GRIK1: variants seen among roughly 807,000 people sequenced by gnomAD.
GRIK1 encodes glutamate ionotropic receptor kainate type subunit 1.
GRIK1 carries 69 observed loss-of-function variants against 105.7 expected under a neutral mutation model. The observed-to-expected ratio is 0.65, with a 90% confidence interval of 0.54 to 0.80. The LOEUF (loss-of-function observed/expected upper bound fraction) is 0.80, where lower values mean the gene tolerates loss of function less well. GRIK1 is among the 30% of genes least tolerant of loss of function. The pLI is 0.00. For missense variants in GRIK1, 1,109 were observed against 1,167.3 expected, an observed-to-expected ratio of 0.95 and a Z score of 0.73; for synonymous variants, 438 against 431.3, an observed-to-expected ratio of 1.02 and a Z score of -0.19.
intron 1 of GRIK1, among the ~76,000 whole-genome samples, chr21:29,728,563 A>G (rs1416380922): frequency 6.6e-6 from 1 of 152,188 alleles, no homozygotes; most frequent in East Asian, 1.9e-4. Context: ...GCTATAAATC[A>G]TTACATCACA....
intron 3 of GRIK1, among the ~76,000 whole-genome samples, chr21:29,686,015 C>T (rs367750476): frequency 6.6e-6 from 1 of 152,202 alleles, no homozygotes; most frequent in African/African-American, 2.4e-5. Context: ...AAGAAGAATC[C>T]GAACACACAG....
chr21:29,546,517 TG>T (rs2090053540), intron 16 of GRIK1, among the ~76,000 whole-genome samples: 1 of 152,224 alleles, frequency 6.6e-6, no homozygotes. Context: ...GGCTCAGAGA[TG>T]GTAAGTGGTT....
chr21:29,767,678 G>T (rs1343939540), intron 1 of GRIK1, among the ~76,000 whole-genome samples: 2 of 152,182 alleles, frequency 1.3e-5, no homozygotes, highest in African/African-American at 2.4e-5. Context: ...GGTCTCAAAA[G>T]GCTCTTGTGC....
chr21:29,591,406 A>G (rs1370949485), intron 9 of GRIK1, among the ~76,000 whole-genome samples, 181 bp from the exon 10 acceptor site: 1 of 152,108 alleles, frequency 6.6e-6, no homozygotes, highest in East Asian at 1.9e-4. Context: ...TGTAGACAAA[A>G]TAGGATATAT....
intron 1 of GRIK1, among the ~76,000 whole-genome samples, chr21:29,854,279 T>C (rs921257023): frequency 2.6e-5 from 4 of 152,098 alleles, no homozygotes; most frequent in Non-Finnish European, 5.9e-5. Flanking sequence ...AAGAATGTAC[T>C]CTTTGCTTTG....
chr21:29,890,069 T>C (rs1235923870), intron 1 of GRIK1, among the ~76,000 whole-genome samples: 2 of 152,138 alleles, frequency 1.3e-5, no homozygotes, highest in East Asian at 3.8e-4. Context: ...AGTCATGTGA[T>C]ACTGTTTGTC....
intron 7 of GRIK1, among the ~76,000 whole-genome samples, chr21:29,616,020 A>G (rs969832046): frequency 2.0e-5 from 3 of 152,184 alleles, no homozygotes; most frequent in African/African-American, 4.8e-5. Context: ...ATTTGCCCCA[A>G]TTCCCAACAA....
chr21:29,715,693 G>A (rs539998315), intron 1 of GRIK1, among the ~76,000 whole-genome samples: 9 of 148,488 alleles, frequency 6.1e-5, no homozygotes, highest in Admixed American at 4.1e-4. Flanking sequence ...CTAGAATGTC[G>A]TATTCTACTT....
At chr21:29,834,256 G>A (rs2067718498) in intron 1 of GRIK1, among the ~76,000 whole-genome samples, 1 of 150,304 alleles carries the variant, frequency 6.7e-6, no homozygotes, top group African/African-American at 2.4e-5. Context: ...TCCCAAAATA[G>A]GAACTTGGAA....
Position 29,642,748 on chromosome 21 carries a change from T to C in GRIK1, c.1098+78A>G, listed in dbSNP as rs968746257. ...TAGGGGCATCATGCCAGCAGAACCC[T>C]GTGGGGAGGACCATACCAAATGGGC... is the stretch of plus-strand genomic sequence containing the variant. On this transcript the variant is annotated intron_variant, in intron 7 of 17. Transcript: ENST00000327783. The C allele has an allele frequency of 1.6e-5, 20 of 1,275,224 alleles. No homozygotes were observed. The African/African-American group carries it at 2.3e-4, about 15-fold the overall frequency. 79.0% of individuals were successfully genotyped at this position (1,275,224 alleles called of 1,614,324 possible). A position where few individuals can be genotyped will look rare whatever the true frequency, so the allele number is the denominator to read the frequency against.
chr21:29,582,351 G>A (rs781094753), intron 12 of GRIK1: 16 of 470,320 alleles, frequency 3.4e-5, no homozygotes, highest in Non-Finnish European at 6.6e-5. Flanking sequence ...ACCCTGGTTC[G>A]GTAAGTGGTA....
At chr21:29,560,632 C>G (rs933101798) in intron 15 of GRIK1, among the ~76,000 whole-genome samples, 1 of 145,012 alleles carries the variant, frequency 6.9e-6, no homozygotes, top group East Asian at 2.0e-4. Flanking sequence ...GATGGAGTCT[C>G]GCTCTGTTGC....
At chr21:29,727,971 A>G (rs1335789761) in intron 1 of GRIK1, among the ~76,000 whole-genome samples, 2 of 152,186 alleles carry the variant, frequency 1.3e-5, no homozygotes, top group Admixed American at 1.3e-4. Flanking sequence ...TCAAGCAGAC[A>G]GCAGATCCGC....
intron 7 of GRIK1, among the ~76,000 whole-genome samples, chr21:29,599,855 C>T (rs2061485443): frequency 6.6e-6 from 1 of 152,152 alleles, no homozygotes; most frequent in Non-Finnish European, 1.5e-5. Flanking sequence ...AATCCCAGCA[C>T]TTCGGGATGC....
intron 16 of GRIK1, 109 bp downstream of exon 16, chr21:29,554,943 G>T: frequency 1.1e-6 from 1 of 891,836 alleles, no homozygotes; most frequent in Non-Finnish European, 1.7e-6. Context: ...GGCTCTTCTG[G>T]GCATCTAATT....
intron 1 of GRIK1, among the ~76,000 whole-genome samples, chr21:29,785,652 C>T (rs963746417): frequency 6.6e-6 from 1 of 151,588 alleles, no homozygotes; most frequent in Non-Finnish European, 1.5e-5. Flanking sequence ...TGGCAAAGCG[C>T]AGAAAGTGCG....
intron 1 of GRIK1, among the ~76,000 whole-genome samples, chr21:29,756,987 G>A (rs2065361197): frequency 6.6e-6 from 1 of 151,974 alleles, no homozygotes; most frequent in Admixed American, 6.6e-5. Flanking sequence ...TGTGGTGGCA[G>A]GTGCCTGTAA....
In GRIK1 at chr21:29,555,075, G is replaced by A. The variant is rs775408657; in HGVS notation, c.2584C>T (p.Arg862Trp). Residue 862 changes from arginine to tryptophan, a missense_variant, in exon 16 of 18, where the codon CGG (arginine) becomes TGG (tryptophan). Around this residue, in one of 5 missense-constraint regions of GRIK1, gnomAD observed 161 missense variants for 143.4 expected, o/e 1.12. Transcript: ENST00000327783. ...VAIGEFIYKS[R>W]KNNDIEQKGK... ...ACCTGTTCAATATCATTATTCTTCC[G>A]TGATTTGTATATGAATTCTCCAATA... is the stretch of plus-strand genomic sequence containing the variant. The A allele has an allele frequency of 5.6e-6, 9 of 1,609,814 alleles. No individual in the cohort carries two copies. Among genetic ancestry groups the A allele is most frequent in the African/African-American group, 1.3e-5 (1 of 74,792 alleles).
intron 1 of GRIK1, among the ~76,000 whole-genome samples, chr21:29,877,924 C>A (rs1354447506): frequency 6.6e-6 from 1 of 151,880 alleles, no homozygotes; most frequent in African/African-American, 2.4e-5. Context: ...AATACAAGAC[C>A]AATGAAAAAA....
Sources: allele counts gnomAD v4.1 joint callset (sites outside exome capture counted in the v4.1 genomes callset), GRCh38; gene constraint gnomAD v4.1.1; regional missense constraint gnomAD v4.1.1; transcripts MANE v1.5; gene names NCBI Gene and HGNC (gene_info 2026-07-23, HGNC 2026-07-21).